The following DEAF1 variants were observed in gnomAD, a reference collection of about 807,000 sequenced individuals.
DEAF1 encodes DEAF1 transcription factor.
DEAF1 carries 53 observed loss-of-function variants against 58.9 expected under a neutral mutation model. That is an observed-to-expected ratio of 0.90 (90% confidence interval 0.72 to 1.13). The LOEUF is 1.13. Ranked by LOEUF, DEAF1 falls within the 50% of genes most tolerant of loss-of-function variation. The probability of loss-of-function intolerance (pLI) is 0.00; values close to 1 mark genes in which losing one functional copy is unlikely to be tolerated. For synonymous variants in DEAF1, 385 were observed against 340.4 expected (o/e 1.13, Z -1.44); for missense variants, 685 against 791.4 (o/e 0.87, Z 1.61).
intron 11 of DEAF1, chr11:651,274 T>G (rs1858757595): frequency 4.8e-6 from 1 of 208,338 alleles, no homozygotes; most frequent in Non-Finnish European, 1.0e-5. Context: ...AAAGTAAATT[T>G]TAATATAAAA....
intron 10 of DEAF1, among the ~76,000 whole-genome samples, chr11:665,558 G>A (rs970611768): frequency 2.0e-5 from 3 of 152,182 alleles, no homozygotes; most frequent in East Asian, 1.9e-4. Flanking sequence ...TCTACCAAAC[G>A]GGATTTTAAG....
At chr11:680,491 T>G (rs1860305354) in intron 7 of DEAF1, among the ~76,000 whole-genome samples, 2 of 152,188 alleles carry the variant, frequency 1.3e-5, no homozygotes, top group Admixed American at 1.3e-4. Flanking sequence ...GTGCCTGTGG[T>G]CCCAGCTACT....
intron 9 of DEAF1, among the ~76,000 whole-genome samples, chr11:675,877 A>C (rs1860026298): frequency 6.6e-6 from 1 of 151,700 alleles, no homozygotes; most frequent in African/African-American, 2.4e-5. Flanking sequence ...TAAAAAACTG[A>C]CCAGCAAACA....
intron 1 of DEAF1, chr11:701,056 A>G (rs940995419): frequency 2.9e-6 from 1 of 349,664 alleles, no homozygotes; most frequent in Non-Finnish European, 5.5e-6. Context: ...CCTTGCCCTT[A>G]GCTGTCTGAG....
At chr11:677,060 A>G (rs1860115721) in intron 9 of DEAF1, among the ~76,000 whole-genome samples, 2 of 152,158 alleles carry the variant, frequency 1.3e-5, no homozygotes, top group African/African-American at 4.8e-5. Flanking sequence ...CTCCTGGAGA[A>G]AAAGCTCTGA....
intron 11 of DEAF1, among the ~76,000 whole-genome samples, chr11:649,161 GA>G (rs1301729858): frequency 6.6e-6 from 1 of 152,190 alleles, no homozygotes; most frequent in African/African-American, 2.4e-5. Flanking sequence ...TGAGGCAGGA[GA>G]ATCGCTTGAA....
intron 2 of DEAF1, 36 bp downstream of exon 2, chr11:691,465 C>A: frequency 6.3e-7 from 1 of 1,594,006 alleles, no homozygotes; most frequent in South Asian, 1.1e-5. Flanking sequence ...AGCGTGGCAC[C>A]ACCCGCCCTG....
chr11:679,648 T>C (rs775108540), intron 8 of DEAF1, 40 bp downstream of exon 8: 3 of 1,605,942 alleles, frequency 1.9e-6, no homozygotes, highest in South Asian at 1.1e-5. Context: ...CAGACAGGGA[T>C]ATGCTGAGGA....
In DEAF1 at chr11:679,603, A is replaced by T. The variant is rs570372885; in HGVS notation, c.1126+85T>A. 2.5e-6 allele frequency: 4 copies of T among 1,592,946 alleles called. No individual in the cohort carries two copies. The African/African-American group carries it at 5.3e-5, about 21-fold the overall frequency. Reference sequence around the variant, plus strand: ...CCCCTCTCGAGGCACCCAGCAGCCTATGCAGCCCAATGTGGCGTCGGGGAT... The same window carrying T: ...CCCCTCTCGAGGCACCCAGCAGCCTTTGCAGCCCAATGTGGCGTCGGGGAT... On this transcript the variant is annotated intron_variant, in intron 8 of 11. Coordinates refer to ENST00000382409, the MANE Select transcript of DEAF1 (RefSeq NM_021008.4).
At position 679,926 on chromosome 11, in the gene DEAF1, G is replaced by C. The variant is rs1860271623; in HGVS notation, c.998-110C>G. On this transcript the variant is annotated intron_variant, in intron 7 of 11. Transcript: ENST00000382409. Reference sequence around the variant, plus strand: ...TTGTGGGGGCCTGGGCTGAAGGGCGGGCAGTGGTAACTGTACCCTCCCATG... The same window carrying C: ...TTGTGGGGGCCTGGGCTGAAGGGCGCGCAGTGGTAACTGTACCCTCCCATG... The C allele has an allele frequency of 9.5e-6, 14 of 1,475,226 alleles. No individual in the cohort carries two copies. The South Asian group carries it at 1.5e-4, about 16-fold the overall frequency. 91.4% of individuals were successfully genotyped at this position (1,475,226 alleles called of 1,614,324 possible).
chr11:691,842 T>TA (rs1294258717), intron 1 of DEAF1, among the ~76,000 whole-genome samples: 3 of 152,072 alleles, frequency 2.0e-5, no homozygotes, highest in Admixed American at 6.6e-5. Context: ...TTACGTGCAG[T>TA]AAAAAATGCA....
intron 10 of DEAF1, chr11:666,390 T>C (rs1859523211): frequency 6.6e-6 from 1 of 152,102 alleles, no homozygotes; most frequent in South Asian, 2.1e-4. Context: ...GAAGAAGGGA[T>C]AACAGGATCC....
intron 8 of DEAF1, among the ~76,000 whole-genome samples, chr11:679,076 G>A (rs1470311553): frequency 6.6e-6 from 1 of 152,168 alleles, no homozygotes; most frequent in South Asian, 2.1e-4. Flanking sequence ...ACTTTGGGAG[G>A]CCAAGATGGG....
chr11:644,492 C>T lies in DEAF1; in HGVS notation c.*58G>A. ...CAGAGTCCTCAGGGGGGCCTTCGAC[C>T]TGCAAAAGCCTCACAGGAGTGCGAG... On this transcript the variant is annotated 3_prime_UTR_variant, in exon 12 of 12. Coordinates refer to ENST00000382409, the MANE Select transcript of DEAF1 (RefSeq NM_021008.4). The surrounding 1 kb of genome is among the most constrained non-coding windows in gnomAD (Gnocchi z 4.3). 7.1e-7 allele frequency: 1 copy of T among 1,416,972 alleles called. No individual in the cohort carries two copies. Among genetic ancestry groups the T allele is most frequent in the Non-Finnish European group, 9.9e-7 (1 of 1,014,472 alleles). The allele number at this position is 1,416,972 out of a possible 1,614,324, so 87.8% of individuals were successfully genotyped here.
At chr11:670,168 A>G (rs1859748252) in intron 10 of DEAF1, among the ~76,000 whole-genome samples, 1 of 151,928 alleles carries the variant, frequency 6.6e-6, no homozygotes, top group African/African-American at 2.4e-5. Flanking sequence ...AGGGATTGAA[A>G]TGGTCTCATG....
chr11:695,839 G>T (rs1462508976), upstream of DEAF1: 1 of 1,230,136 alleles, frequency 8.1e-7, no homozygotes, highest in Non-Finnish European at 1.0e-6. Context: ...TGGCGGCCCC[G>T]CGGCGAGGTG....
upstream of DEAF1, chr11:700,206 T>C: frequency 1.2e-6 from 2 of 1,614,044 alleles, no homozygotes; most frequent in African/African-American, 1.3e-5. Flanking sequence ...CTGTATTTCC[T>C]CGCCACGCTC....
chr11:699,078 C>T, upstream of DEAF1: 3 of 687,828 alleles, frequency 4.4e-6, no homozygotes, highest in Non-Finnish European at 7.6e-6. Flanking sequence ...GGCTCCATCC[C>T]CTACCTGCTC....
intron 10 of DEAF1, among the ~76,000 whole-genome samples, chr11:663,572 A>T (rs1564932207): frequency 1.3e-5 from 2 of 151,184 alleles, no homozygotes; most frequent in Non-Finnish European, 2.9e-5. Context: ...CGCCTCAGCA[A>T]CTGCCTGTGG....
Sources: gnomAD v4.1 joint callset for allele counts (sites outside exome capture counted in the v4.1 genomes callset) on GRCh38, gnomAD v4.1.1 for gene constraint, Gnocchi (gnomAD v3.1) non-coding constraint, MANE v1.5 for transcripts, NCBI Gene and HGNC (gene_info 2026-07-23, HGNC 2026-07-21) for gene names.